The following TEAD4 variants were observed in gnomAD, a reference collection of about 807,000 sequenced individuals.
The protein encoded by TEAD4 is TEA domain transcription factor 4.
TEAD4 carries 36 observed loss-of-function variants against 52.4 expected under a neutral mutation model. The observed-to-expected ratio is 0.69, with a 90% CI of 0.53 to 0.91. The LOEUF is 0.91. TEAD4 is among the 40% of genes least tolerant of loss of function. TEAD4 has a pLI of 0.00. For synonymous variants in TEAD4, 220 were observed against 231.0 expected (o/e 0.95, Z 0.43); for missense variants, 508 against 583.9 (o/e 0.87, Z 1.34).
At chr12:3,008,082 T>C (rs959650076) in intron 3 of TEAD4, among the ~76,000 whole-genome samples, 1 of 152,208 alleles carries the variant, frequency 6.6e-6, no homozygotes, top group Non-Finnish European at 1.5e-5. Context: ...CCTATTCGCA[T>C]GGACTGTGGT....
At chr12:3,027,421 C>G (rs1369743088) in intron 10 of TEAD4, among the ~76,000 whole-genome samples, 1 of 152,122 alleles carries the variant, frequency 6.6e-6, no homozygotes, top group Non-Finnish European at 1.5e-5. Context: ...AATTAACTTA[C>G]CTTACAGTTC....
At position 3,010,992 on chromosome 12, in the gene TEAD4, G is replaced by A; in HGVS notation, c.227-12G>A. On this transcript the variant is annotated splice_polypyrimidine_tract_variant and intron_variant, in intron 3 of 12. Transcript: ENST00000359864. ...CCTTCTCTCCACTGAGAGGCTGCTGGTGTCTCTGCAGGTCGGAACGAGCTG... is the reference window on the plus strand; with the variant it reads ...CCTTCTCTCCACTGAGAGGCTGCTGATGTCTCTGCAGGTCGGAACGAGCTG... 2 of 1,614,090 alleles carry A rather than the reference G, an allele frequency of 1.2e-6. No individual in the cohort carries two copies. The highest frequency in any genetic ancestry group is 1.7e-6 in the Non-Finnish European group (2 of 1,179,962).
At chr12:3,038,137 C>A (rs202226072) in intron 11 of TEAD4, 29 bp downstream of exon 11, 3 of 1,601,748 alleles carry the variant, frequency 1.9e-6, no homozygotes, top group Non-Finnish European at 1.7e-6. Context: ...GGGTGAGGGC[C>A]GGTGGCAGTG....
chr12:2,980,998 A>G (rs915914352), intron 2 of TEAD4, among the ~76,000 whole-genome samples: 9 of 152,166 alleles, frequency 5.9e-5, no homozygotes, highest in Admixed American at 5.9e-4. Context: ...GAGCCTCAGC[A>G]TCTTCACCTG....
chr12:3,003,676 G>A (rs2098253509), intron 3 of TEAD4, among the ~76,000 whole-genome samples: 2 of 152,154 alleles, frequency 1.3e-5, no homozygotes, highest in Admixed American at 1.3e-4. Flanking sequence ...GCTGGGGGCT[G>A]TCGGACACAT....
At chr12:3,004,608 C>A (rs2098254363) in intron 3 of TEAD4, among the ~76,000 whole-genome samples, 2 of 152,174 alleles carry the variant, frequency 1.3e-5, no homozygotes, top group African/African-American at 4.8e-5. Context: ...TTGCTGTTTC[C>A]CTGTCTGTAG....
chr12:2,985,864 T>C lies in TEAD4; in HGVS notation c.-29-8874T>C, dbSNP rs919068570. 3.9e-5 allele frequency among the ~76,000 whole-genome samples: 6 copies of C among 151,952 alleles called. No homozygotes were observed. In the East Asian group the frequency reaches 5.9e-4, roughly 15 times the overall value. On this transcript the variant is annotated intron_variant, in intron 2 of 12. Coordinates refer to ENST00000359864, the MANE Select transcript of TEAD4 (RefSeq NM_003213.4). ...ACTTTGGGAGGCCGAGGCGGGTGGA[T>C]CACTACGTCAGGAGTTCAAGACCAG...
Position 2,999,779 on chromosome 12 carries a change from C to T in TEAD4, c.226+4787C>T, listed in dbSNP as rs529948876. ...AGGTGGTGGGATTCGAACAACTTCT[C>T]GCCCCCTTCTGCCTGCTCCCCGCCT... On this transcript the variant is annotated intron_variant, in intron 3 of 12. Transcript: ENST00000359864. Among the ~76,000 whole-genome samples the T allele has an allele frequency of 1.4e-4, 22 of 152,312 alleles. No homozygotes were observed. The East Asian group carries it at 3.7e-3, about 25-fold the overall frequency.
chr12:2,990,317 C>T (rs1276411007), intron 2 of TEAD4, among the ~76,000 whole-genome samples: 1 of 151,948 alleles, frequency 6.6e-6, no homozygotes, highest in East Asian at 1.9e-4. Context: ...CCTGGGACCA[C>T]TGTTTATTTT....
intron 10 of TEAD4, among the ~76,000 whole-genome samples, chr12:3,033,168 G>A (rs972987912): frequency 8.5e-5 from 13 of 152,178 alleles, no homozygotes; most frequent in African/African-American, 1.7e-4. Flanking sequence ...GGACTTGTCC[G>A]TCTCCAGTCC....
chr12:2,971,562 G>A (rs901314468), intron 2 of TEAD4, among the ~76,000 whole-genome samples: 2 of 151,170 alleles, frequency 1.3e-5, no homozygotes, highest in African/African-American at 4.9e-5. Flanking sequence ...TGCAAGCTCC[G>A]CCTCCCGGGT....
chr12:2,979,535 A>T (rs1167355708), intron 2 of TEAD4, among the ~76,000 whole-genome samples: 1 of 152,224 alleles, frequency 6.6e-6, no homozygotes, highest in East Asian at 1.9e-4. Context: ...GGCAGTGAGA[A>T]TTTGTGGCTG....
Position 3,040,253 on chromosome 12 carries a change from C to T in TEAD4, c.1185C>T (p.Ile395=), listed in dbSNP as rs1565556474. 1 of 1,614,084 alleles carries T rather than the reference C, an allele frequency of 6.2e-7. No individual in the cohort carries two copies. Among genetic ancestry groups the T allele is most frequent in the Non-Finnish European group, 8.5e-7 (1 of 1,180,044 alleles). The change falls in exon 12 of 13, where the codon ATC becomes ATT. Residue 395 remains isoleucine, a synonymous_variant. Transcript: ENST00000359864. ...ACAGCGTGCTGGAGAACTTCACCAT[C>T]CTGCAGGTGTGCGGCGGGTGCTGCG...
rs2098213479 is a variant in TEAD4, at chr12:2,959,584, T to G, written c.-123+103T>G. Reference sequence around the variant, plus strand: ...CGCGCCGCGTGCTCGGCTGCTCTTTTCTTTCCGCCGCCCGCGTTCCCGCCT... The same window carrying G: ...CGCGCCGCGTGCTCGGCTGCTCTTTGCTTTCCGCCGCCCGCGTTCCCGCCT... On this transcript the variant is annotated intron_variant, in intron 1 of 12. Transcript: ENST00000359864. This position sits in a 1 kb window ranked among gnomAD's most constrained non-coding sequence, Gnocchi z 5.1. The G allele has an allele frequency of 6.7e-6, 1 of 150,138 alleles. No homozygotes were observed. The highest frequency in any genetic ancestry group is 2.4e-5 in the African/African-American group (1 of 40,990). 9.3% of individuals were successfully genotyped at this position (150,138 alleles called of 1,614,324 possible).
Position 3,020,679 on chromosome 12 carries a change from C to G in TEAD4, c.629C>G (p.Pro210Arg). 6.2e-7 allele frequency: 1 copy of G among 1,605,024 alleles called. No homozygotes were observed. Among genetic ancestry groups the G allele is most frequent in the Non-Finnish European group, 8.5e-7 (1 of 1,175,008 alleles). ...CCCGCCCCATCGCCCTCTGCGCCCC[C>G]GGCACCCCCATGGCAGGGCCGCAGC... Residue 210 changes from proline (P) to arginine (R), a missense_variant, in exon 9 of 13, where the codon CCG (proline) becomes CGG (arginine). Transcript: ENST00000359864.
chr12:3,029,473 C>T (rs549722844), intron 10 of TEAD4, among the ~76,000 whole-genome samples: 13 of 152,068 alleles, frequency 8.5e-5, no homozygotes, highest in South Asian at 6.2e-4. Flanking sequence ...CTCCTGACCT[C>T]GTGATCCACC....
intron 8 of TEAD4, among the ~76,000 whole-genome samples, chr12:3,020,031 C>T (rs1257186795): frequency 6.6e-6 from 1 of 152,216 alleles, no homozygotes; most frequent in African/African-American, 2.4e-5. Flanking sequence ...CTCACCAGAG[C>T]TTCAGTCTCA....
intron 10 of TEAD4, among the ~76,000 whole-genome samples, chr12:3,024,352 T>G (rs184060715): frequency 6.6e-6 from 1 of 152,182 alleles, no homozygotes; most frequent in Non-Finnish European, 1.5e-5. Context: ...ATGTTCACAT[T>G]TTTTGACAAT....
At chr12:3,029,629 C>A (rs2098274282) in intron 10 of TEAD4, among the ~76,000 whole-genome samples, 1 of 152,162 alleles carries the variant, frequency 6.6e-6, no homozygotes, top group African/African-American at 2.4e-5. Flanking sequence ...GATCCTCCTG[C>A]CTCAGCCTTC....
Sources: allele counts gnomAD v4.1 joint callset (sites outside exome capture counted in the v4.1 genomes callset), GRCh38; gene constraint gnomAD v4.1.1; non-coding constraint Gnocchi (gnomAD v3.1); transcripts MANE v1.5; gene names NCBI Gene and HGNC (gene_info 2026-07-23, HGNC 2026-07-21).